Variants in WWOX observed in about 807,000 individuals in gnomAD.
WWOX encodes WW domain containing oxidoreductase.
A neutral mutation model predicts 46.2 loss-of-function variants in WWOX; 69 were observed. That is an observed-to-expected ratio of 1.49 (90% CI 1.23 to 1.82). The LOEUF (loss-of-function observed/expected upper bound fraction) is 1.82, where lower values mean the gene tolerates loss of function less well. Ranked by LOEUF, WWOX falls within the 40% of genes most tolerant of loss-of-function variation. The probability of loss-of-function intolerance (pLI) is 0.00; values close to 1 mark genes in which losing one functional copy is unlikely to be tolerated. For synonymous variants in WWOX, 359 were observed against 202.6 expected, an observed-to-expected ratio of 1.77 and a Z score of -6.56; for missense variants, 919 against 542.6, an observed-to-expected ratio of 1.69 and a Z score of -6.89.
At chr16:78,233,958 A>G (rs2037354613) in intron 5 of WWOX, among the ~76,000 whole-genome samples, 1 of 152,198 alleles carries the variant, frequency 6.6e-6, no homozygotes, top group African/African-American at 2.4e-5. Flanking sequence ...TTGGCCCCAG[A>G]GGCATCAGGG....
intron 8 of WWOX, among the ~76,000 whole-genome samples, chr16:78,840,807 A>G (rs1425194400): frequency 1.3e-5 from 2 of 150,180 alleles, no homozygotes; most frequent in Non-Finnish European, 3.0e-5. Context: ...CTTAGTAGGT[A>G]TATATATTTG....
intron 5 of WWOX, among the ~76,000 whole-genome samples, chr16:78,224,153 G>A (rs1039288415): frequency 2.0e-5 from 3 of 151,956 alleles, no homozygotes; most frequent in Admixed American, 6.6e-5. Context: ...ACAGGCACCC[G>A]CCACCAAGCC....
chr16:79,141,691 G>A (rs1264067312), intron 8 of WWOX, among the ~76,000 whole-genome samples: 2 of 151,784 alleles, frequency 1.3e-5, no homozygotes, highest in Non-Finnish European at 2.9e-5. Context: ...CCATTAGGTT[G>A]ACTCTCCAGT....
intron 5 of WWOX, among the ~76,000 whole-genome samples, chr16:78,350,670 G>A (rs752658368): frequency 1.7e-5 from 2 of 121,172 alleles, no homozygotes; most frequent in East Asian, 1.9e-4. Flanking sequence ...TTCCATTTAC[G>A]GATATGCCAC....
At chr16:78,155,893 CT>C (rs938824541) in intron 4 of WWOX, among the ~76,000 whole-genome samples, 1 of 152,192 alleles carries the variant, frequency 6.6e-6, no homozygotes, top group Admixed American at 6.5e-5. Flanking sequence ...CATTATTAAG[CT>C]TTTTTTATAT....
At chr16:78,395,744 T>G (rs937864191) in intron 6 of WWOX, among the ~76,000 whole-genome samples, 3 of 139,102 alleles carry the variant, frequency 2.2e-5, no homozygotes, top group Non-Finnish European at 4.5e-5. Context: ...GTATGGTTTT[T>G]TGTTTTGTTT....
intron 8 of WWOX, among the ~76,000 whole-genome samples, chr16:78,759,296 G>C (rs1205301024): frequency 2.0e-5 from 3 of 152,208 alleles, no homozygotes; most frequent in East Asian, 3.9e-4. Flanking sequence ...GCCATGCTTG[G>C]TGAGAAATGA....
In WWOX at chr16:78,620,584, C is replaced by T. The variant is rs371935160; in HGVS notation, c.1056+187832C>T. Among the ~76,000 whole-genome samples, 101 of 152,264 alleles carry T rather than the reference C, an allele frequency of 6.6e-4. No individual in the cohort carries two copies. In the East Asian group the frequency reaches 9.5e-3, roughly 14 times the overall value. On this transcript the variant is annotated intron_variant, in intron 8 of 8. Coordinates refer to ENST00000566780, the MANE Select transcript of WWOX (RefSeq NM_016373.4). ...GTCCTCTGCCACCTTATCTGGGACTCTTGTCCCCTGAGAAGTTTGAAAATT... is the reference window on the plus strand; with the variant it reads ...GTCCTCTGCCACCTTATCTGGGACTTTTGTCCCCTGAGAAGTTTGAAAATT...
chr16:79,012,441 C>T (rs1176777785), intron 8 of WWOX, among the ~76,000 whole-genome samples: 2 of 152,156 alleles, frequency 1.3e-5, no homozygotes, highest in Non-Finnish European at 2.9e-5. Flanking sequence ...CCACATTGGC[C>T]AGGCTGGTCT....
intron 5 of WWOX, among the ~76,000 whole-genome samples, chr16:78,300,434 CT>C (rs1047333520): frequency 6.6e-6 from 1 of 152,040 alleles, no homozygotes; most frequent in African/African-American, 2.4e-5. Flanking sequence ...CACCTGCCAC[CT>C]TTTTATTCTC....
chr16:79,162,420 G>A (rs1322684438), intron 8 of WWOX, among the ~76,000 whole-genome samples: 1 of 152,112 alleles, frequency 6.6e-6, no homozygotes, highest in African/African-American at 2.4e-5. Flanking sequence ...TTCAAGTTAG[G>A]GGCTTCTTCT....
chr16:78,423,008 C>A (rs563607672), intron 6 of WWOX, among the ~76,000 whole-genome samples: 6 of 151,888 alleles, frequency 4.0e-5, no homozygotes, highest in African/African-American at 1.4e-4. Flanking sequence ...GCCTTAGCCT[C>A]CCAAGTAGCT....
At chr16:78,316,559 T>G (rs149530406) in intron 5 of WWOX, among the ~76,000 whole-genome samples, 97 of 152,246 alleles carry the variant, frequency 6.4e-4, no homozygotes, top group African/African-American at 2.2e-3. Flanking sequence ...GCCAGGCTGT[T>G]CTAAAACTCC....
chr16:78,910,191 C>A (rs888564522), intron 8 of WWOX, among the ~76,000 whole-genome samples: 2 of 152,110 alleles, frequency 1.3e-5, no homozygotes, highest in Non-Finnish European at 2.9e-5. Flanking sequence ...AGGTGACTTG[C>A]TTTAGCCAAA....
intron 8 of WWOX, among the ~76,000 whole-genome samples, chr16:78,949,740 A>T (rs11642227): frequency 0.3 from 45,459 of 152,106 alleles, 7,806 homozygotes; most frequent in Non-Finnish European, 0.38. Flanking sequence ...TGCGGGGCAA[A>T]CACAACAAGT....
At chr16:79,088,155 C>T (rs1242791694) in intron 8 of WWOX, among the ~76,000 whole-genome samples, 1 of 152,186 alleles carries the variant, frequency 6.6e-6, no homozygotes, top group Non-Finnish European at 1.5e-5. Context: ...CTCATCTCCC[C>T]AGGCCATGCC....
At chr16:79,015,231 T>C (rs1382543864) in intron 8 of WWOX, among the ~76,000 whole-genome samples, 1 of 152,120 alleles carries the variant, frequency 6.6e-6, no homozygotes, top group African/African-American at 2.4e-5. Context: ...AGAAGGTGCC[T>C]GATTTCCTGG....
intron 8 of WWOX, among the ~76,000 whole-genome samples, chr16:79,172,422 TG>T (rs2050717608): frequency 6.6e-6 from 1 of 152,186 alleles, no homozygotes; most frequent in South Asian, 2.1e-4. Flanking sequence ...GTTTCTGCTC[TG>T]GGCTGCAAAC....
intron 8 of WWOX, among the ~76,000 whole-genome samples, chr16:79,045,034 G>A (rs1048181776): frequency 1.1e-4 from 17 of 152,210 alleles, no homozygotes; most frequent in African/African-American, 4.1e-4. Context: ...TCTAGAAGAT[G>A]CTAAGTTCTC....
Sources: gnomAD v4.1 joint callset for allele counts (sites outside exome capture counted in the v4.1 genomes callset) on GRCh38, gnomAD v4.1.1 for gene constraint, MANE v1.5 for transcripts, NCBI Gene and HGNC (gene_info 2026-07-23, HGNC 2026-07-21) for gene names.